DSN1: variants seen among roughly 807,000 people sequenced by gnomAD.
DSN1 encodes DSN1 component of MIS12 kinetochore complex, also known as kinetochore-associated protein DSN1 homolog.
In DSN1, 31 loss-of-function variants were observed where a neutral mutation model predicts 45.7. The ratio of observed to expected loss-of-function variants is 0.68; its 90% CI spans 0.51 to 0.92. DSN1 has a LOEUF of 0.92. Ranked by LOEUF, DSN1 falls within the 40% of genes least tolerant of loss-of-function variation. The pLI is 0.00. For synonymous variants in DSN1, 134 were observed against 142.3 expected (o/e 0.94, Z 0.41); for missense variants, 394 against 414.2 (o/e 0.95, Z 0.42).
chr20:36,759,487 A>G (rs1441686803), intron 6 of DSN1, among the ~76,000 whole-genome samples: 1 of 151,030 alleles, frequency 6.6e-6, no homozygotes, highest in South Asian at 2.1e-4. Context: ...CTAGGTAATA[A>G]CTTTCTTTTT....
chr20:36,773,289 G>A (rs1377353391), intron 1 of DSN1: 5 of 763,940 alleles, frequency 6.5e-6, no homozygotes, highest in Non-Finnish European at 6.4e-6. Context: ...TTGCAGACAG[G>A]GGAACTGAGG....
intron 3 of DSN1, among the ~76,000 whole-genome samples, chr20:36,769,868 T>C (rs1410002936): frequency 1.3e-5 from 2 of 150,002 alleles, no homozygotes; most frequent in Non-Finnish European, 3.0e-5. Flanking sequence ...TCACGTTCTG[T>C]ATAGCATCCC....
At chr20:36,755,970 TTTTG>T (rs974472767) in intron 8 of DSN1, 141 bp from the exon 9 acceptor site, 11 of 997,102 alleles carry the variant, frequency 1.1e-5, no homozygotes, top group Middle Eastern at 3.4e-4. Flanking sequence ...AAAGGTTTTT[TTTTG>T]TTTGTTTGTT....
At chr20:36,763,216 C>A (rs568741811) in intron 5 of DSN1, among the ~76,000 whole-genome samples, 6 of 151,586 alleles carry the variant, frequency 4.0e-5, no homozygotes, top group African/African-American at 1.5e-4. Context: ...CCAGCCAGGC[C>A]AACATGATGA....
intron 1 of DSN1, among the ~76,000 whole-genome samples, chr20:36,772,184 T>C (rs976354634): frequency 3.9e-5 from 6 of 151,952 alleles, no homozygotes; most frequent in African/African-American, 1.5e-4. Context: ...CCAGCCTCAC[T>C]GTTACTAGTT....
At chr20:36,766,921 T>A in intron 4 of DSN1, 80 bp from the exon 5 acceptor site, 1 of 969,552 alleles carries the variant, frequency 1.0e-6, no homozygotes. Flanking sequence ...TTATGATGTT[T>A]AATAAATATG....
chr20:36,752,734 C>A lies in DSN1; in HGVS notation c.*54G>T. On this transcript the variant is annotated 3_prime_UTR_variant, in exon 11 of 11. Coordinates refer to ENST00000373750, the MANE Select transcript of DSN1 (RefSeq NM_001145315.2). ...ATCACGCAGTCACCACGTGCTGGGGCACTCTTCCCATTCCTCTCCTCTTGG... is the reference window on the plus strand; with the variant it reads ...ATCACGCAGTCACCACGTGCTGGGGAACTCTTCCCATTCCTCTCCTCTTGG... The A allele has an allele frequency of 1.4e-6, 2 of 1,436,492 alleles. No individual in the cohort carries two copies. The highest frequency in any genetic ancestry group is 2.0e-6 in the Non-Finnish European group (2 of 1,019,598). 89.0% of individuals were successfully genotyped at this position (1,436,492 alleles called of 1,614,324 possible).
intron 3 of DSN1, 49 bp from the exon 4 acceptor site, chr20:36,768,091 A>G: frequency 2.5e-6 from 4 of 1,578,956 alleles, no homozygotes; most frequent in Non-Finnish European, 3.5e-6. Flanking sequence ...TTACATAGTT[A>G]GCAACTAACA....
chr20:36,773,376 C>CCT, intron 1 of DSN1: 1 of 985,586 alleles, frequency 1.0e-6, no homozygotes, highest in Non-Finnish European at 1.2e-6. Flanking sequence ...GAACCCCAGC[C>CCT]CTCTACCCAG....
chr20:36,764,057 A>AT (rs1491440874), intron 5 of DSN1, among the ~76,000 whole-genome samples: 2 of 151,492 alleles, frequency 1.3e-5, no homozygotes, highest in African/African-American at 2.4e-5. Context: ...CTACAAAAAA[A>AT]TTTTTTTTAG....
chr20:36,762,682 T>G, intron 5 of DSN1, 134 bp from the exon 6 acceptor site: 2 of 633,236 alleles, frequency 3.2e-6, no homozygotes, highest in Non-Finnish European at 5.2e-6. Flanking sequence ...CACCCAAAAG[T>G]GTGGAGTTAA....
chr20:36,762,122 T>TTTTG (rs1987021716), intron 6 of DSN1, among the ~76,000 whole-genome samples: 1 of 138,250 alleles, frequency 7.2e-6, no homozygotes, highest in African/African-American at 3.0e-5. Context: ...TTTTTTTTTT[T>TTTTG]GTGAGACAGA....
At chr20:36,772,292 T>C (rs529615928) in intron 1 of DSN1, among the ~76,000 whole-genome samples, 89 of 1,684 alleles carry the variant, frequency 0.053, no homozygotes, top group East Asian at 0.34. Context: ...CTATTCTTTG[T>C]TTTTGTTTTT....
At chr20:36,753,656 A>AAAAG (rs1461087032) in intron 10 of DSN1, among the ~76,000 whole-genome samples, 5 of 150,488 alleles carry the variant, frequency 3.3e-5, no homozygotes, top group Admixed American at 6.6e-5. Flanking sequence ...AAAAAAAAGA[A>AAAAG]AAAGAAAGAA....
chr20:36,754,904 C>G, intron 9 of DSN1, 54 bp from the exon 10 acceptor site: 1 of 1,500,550 alleles, frequency 6.7e-7, no homozygotes, highest in Non-Finnish European at 9.2e-7. Flanking sequence ...CTTGGATGTT[C>G]CTCAAACCTG....
At chr20:36,768,074 T>C (rs1461979028) in intron 3 of DSN1, 32 bp from the exon 4 acceptor site, 2 of 1,609,770 alleles carry the variant, frequency 1.2e-6, no homozygotes, top group Admixed American at 3.3e-5. Flanking sequence ...TTTAAGGAGC[T>C]GGATAGTTAC....
Position 36,758,113 on chromosome 20 carries a change from C to T in DSN1, c.699G>A (p.Gln233=). The T allele has an allele frequency of 6.2e-7, 1 of 1,614,034 alleles. No individual in the cohort carries two copies. Among genetic ancestry groups the T allele is most frequent in the Non-Finnish European group, 8.5e-7 (1 of 1,179,980 alleles). ...QTWDQLLLHY[Q]QEAKEILSRG... is the part of the protein sequence containing the mutation. ...TGGACAATATCTCTTTAGCCTCCTGCTGGTAGTGAAGCAAGAGCTGATCCC... is the reference window on the plus strand; with the variant it reads ...TGGACAATATCTCTTTAGCCTCCTGTTGGTAGTGAAGCAAGAGCTGATCCC... Residue 233 remains glutamine, a synonymous_variant, in exon 8 of 11, where the codon CAG becomes CAA. Transcript: ENST00000373750.
At chr20:36,754,663 T>A (rs1986572844) in intron 10 of DSN1, 100 bp downstream of exon 10, 4 of 901,078 alleles carry the variant, frequency 4.4e-6, no homozygotes, top group Non-Finnish European at 7.1e-6. Flanking sequence ...CTCATATAGG[T>A]CTTACCCTCT....
intron 1 of DSN1, 174 bp downstream of exon 1, chr20:36,773,488 G>A (rs1255776303): frequency 3.0e-6 from 3 of 985,706 alleles, no homozygotes; most frequent in Non-Finnish European, 3.6e-6. Context: ...CACCCGGGAG[G>A]AGGTCGCAGC....
Sources: allele counts gnomAD v4.1 joint callset (sites outside exome capture counted in the v4.1 genomes callset), GRCh38; gene constraint gnomAD v4.1.1; transcripts MANE v1.5; gene names NCBI Gene and HGNC (gene_info 2026-07-23, HGNC 2026-07-21).